Variants in ERC1 observed in about 807,000 individuals in gnomAD.
ERC1 encodes the protein RAB6 interacting protein 2.
Under a neutral mutation model 132.0 loss-of-function variants are expected in ERC1, and 56 were observed. The observed-to-expected ratio is 0.42, with a 90% CI of 0.34 to 0.53. The LOEUF (loss-of-function observed/expected upper bound fraction) is 0.53. Among genes scored for constraint, ERC1 ranks in the 20% least tolerant of loss-of-function variants. ERC1 has a pLI of 0.03. For synonymous variants in ERC1, 478 were observed against 476.1 expected, an observed-to-expected ratio of 1.00 and a Z score of -0.05; for missense variants, 1,202 against 1,349.9, an observed-to-expected ratio of 0.89 and a Z score of 1.72.
chr12:1,214,504 A>G (rs74057298), intron 12 of ERC1, among the ~76,000 whole-genome samples: 3,878 of 152,254 alleles, frequency 0.025, 163 homozygotes, highest in African/African-American at 0.088. Context: ...ACATAACTTC[A>G]ATAGTATCCT....
At chr12:999,002 G>T (rs1040462131) in intron 1 of ERC1, among the ~76,000 whole-genome samples, 1 of 152,034 alleles carries the variant, frequency 6.6e-6, no homozygotes, top group Admixed American at 6.6e-5. Context: ...TGGGATTACA[G>T]GTGTGCACCA....
At chr12:1,456,662 A>G (rs1381859430) in intron 18 of ERC1, among the ~76,000 whole-genome samples, 2 of 151,928 alleles carry the variant, frequency 1.3e-5, no homozygotes, top group Non-Finnish European at 2.9e-5. Context: ...AGTTATATTT[A>G]TAATATTGTT....
At chr12:1,287,237 A>G (rs932886674) in intron 14 of ERC1, among the ~76,000 whole-genome samples, 14 of 152,374 alleles carry the variant, frequency 9.2e-5, no homozygotes, top group Non-Finnish European at 1.6e-4. Context: ...CTCATACCAT[A>G]TACAAAAATG....
At chr12:1,116,593 C>G (rs7304778) in intron 7 of ERC1, among the ~76,000 whole-genome samples, 40,089 of 149,400 alleles carry the variant, frequency 0.27, 5,742 homozygotes, top group African/African-American at 0.37. Flanking sequence ...TTGAGATGGC[C>G]TCTCGCTCTG....
chr12:1,049,646 T>C (rs529314514), intron 2 of ERC1, among the ~76,000 whole-genome samples: 46 of 152,138 alleles, frequency 3.0e-4, no homozygotes, highest in South Asian at 1.0e-3. Flanking sequence ...TGCCACAATA[T>C]ATAAACAATT....
At chr12:1,167,519 C>T (rs1952542065) in intron 8 of ERC1, among the ~76,000 whole-genome samples, 2 of 152,122 alleles carry the variant, frequency 1.3e-5, no homozygotes, top group African/African-American at 2.4e-5. Flanking sequence ...TATATCCTAA[C>T]CAGAAAATAG....
At chr12:1,422,342 T>C (rs2092459400) in intron 17 of ERC1, among the ~76,000 whole-genome samples, 2 of 152,156 alleles carry the variant, frequency 1.3e-5, no homozygotes, top group South Asian at 4.1e-4. Context: ...CACCCCTGGC[T>C]TTCCCCTTCC....
chr12:1,372,729 G>A (rs888607811), intron 16 of ERC1, among the ~76,000 whole-genome samples: 1 of 152,228 alleles, frequency 6.6e-6, no homozygotes, highest in African/African-American at 2.4e-5. Flanking sequence ...CCCAGCCTCC[G>A]TGGCTGTCTC....
intron 2 of ERC1, among the ~76,000 whole-genome samples, chr12:1,038,166 C>T (rs530795935): frequency 2.0e-5 from 3 of 152,230 alleles, no homozygotes; most frequent in South Asian, 2.1e-4. Flanking sequence ...CTGACAGCTG[C>T]GTGGGTGCCC....
At chr12:1,140,512 T>C (rs1245380907) in intron 7 of ERC1, among the ~76,000 whole-genome samples, 1 of 152,116 alleles carries the variant, frequency 6.6e-6, no homozygotes, top group Non-Finnish European at 1.5e-5. Context: ...AGTTCTGGAG[T>C]TTGGAGCATT....
intron 18 of ERC1, among the ~76,000 whole-genome samples, chr12:1,465,130 G>A (rs938989639): frequency 2.6e-5 from 4 of 152,000 alleles, no homozygotes; most frequent in African/African-American, 7.2e-5. Flanking sequence ...GTCATTGAAC[G>A]CGGGTCTGTC....
chr12:1,028,294 C>A lies in ERC1; in HGVS notation c.391C>A (p.Pro131Thr). 1 of 1,614,144 alleles carries A rather than the reference C, an allele frequency of 6.2e-7. No homozygotes were observed. Among genetic ancestry groups the A allele is most frequent in the Non-Finnish European group, 8.5e-7 (1 of 1,180,022 alleles). The change falls in exon 2 of 19, where the codon CCT becomes ACT. Residue 131 changes from proline (P) to threonine (T), a missense_variant. Pro to Thr is a conservative substitution (Grantham distance 38, BLOSUM62 -1). Coordinates refer to ENST00000360905, the MANE Select transcript of ERC1 (RefSeq NM_178040.4). ...DTIAFGEHHL[P>T]PVSMASTVPH... ...CATAGCATTTGGAGAGCATCACCTC[C>A]CTCCTGTGAGTATGGCATCCACTGT...
chr12:1,334,317 T>C (rs969912254), intron 15 of ERC1, among the ~76,000 whole-genome samples: 2 of 152,262 alleles, frequency 1.3e-5, no homozygotes, highest in Non-Finnish European at 2.9e-5. Context: ...CATTCCTGTG[T>C]CCTGATTGGT....
At chr12:1,367,881 A>G (rs553511511) in intron 15 of ERC1, among the ~76,000 whole-genome samples, 1 of 151,726 alleles carries the variant, frequency 6.6e-6, no homozygotes, top group Admixed American at 6.6e-5. Flanking sequence ...CATTATGCTA[A>G]TAATGTGCAT....
intron 16 of ERC1, among the ~76,000 whole-genome samples, chr12:1,398,810 C>T (rs61913137): frequency 0.03 from 4,539 of 152,140 alleles, 139 homozygotes; most frequent in Non-Finnish European, 0.037. Flanking sequence ...GTTGCTGTAT[C>T]CTCCAGAGGG....
intron 2 of ERC1, among the ~76,000 whole-genome samples, chr12:1,040,444 C>G (rs998067586): frequency 2.0e-5 from 3 of 151,282 alleles, no homozygotes; most frequent in Non-Finnish European, 4.4e-5. Flanking sequence ...GTAGCTGAGA[C>G]TACAGGCACC....
chr12:1,455,409 G>T (rs557100087), intron 18 of ERC1, among the ~76,000 whole-genome samples: 1 of 152,254 alleles, frequency 6.6e-6, no homozygotes, highest in Admixed American at 6.5e-5. Flanking sequence ...TTAGATTTCA[G>T]CATCTTCTCT....
intron 18 of ERC1, among the ~76,000 whole-genome samples, chr12:1,460,676 T>C (rs2093626514): frequency 6.6e-6 from 1 of 151,904 alleles, no homozygotes; most frequent in East Asian, 1.9e-4. Flanking sequence ...ATAAAAAGGA[T>C]TCAGGATTGC....
chr12:1,039,337 CA>C (rs573363202), intron 2 of ERC1, among the ~76,000 whole-genome samples: 18,407 of 112,880 alleles, frequency 0.16, 1,557 homozygotes, highest in African/African-American at 0.29. Flanking sequence ...GACGTTGTCT[CA>C]AAAAAAAAAA....
Sources: allele counts gnomAD v4.1 joint callset (sites outside exome capture counted in the v4.1 genomes callset), GRCh38; gene constraint gnomAD v4.1.1; transcripts MANE v1.5; gene names NCBI Gene and HGNC (gene_info 2026-07-23, HGNC 2026-07-21).